IL2RB: variants seen among roughly 807,000 people sequenced by gnomAD.
IL2RB encodes interleukin-2 receptor subunit beta.
IL2RB carries 17 observed loss-of-function variants against 44.2 expected under a neutral mutation model. The observed-to-expected ratio is 0.38, with a 90% CI of 0.26 to 0.58. IL2RB has a LOEUF of 0.58. Ranked by LOEUF, IL2RB falls within the 20% of genes least tolerant of loss-of-function variation. IL2RB has a pLI of 0.63. For synonymous variants in IL2RB, 286 were observed against 297.9 expected (o/e 0.96, Z 0.41); for missense variants, 624 against 685.5 (o/e 0.91, Z 1.00).
At chr22:37,155,646 C>T (rs1215512368) in intron 1 of IL2RB, among the ~76,000 whole-genome samples, 11 of 152,236 alleles carry the variant, frequency 7.2e-5, no homozygotes, top group Admixed American at 7.2e-4. Flanking sequence ...ATCCGATTCT[C>T]TCTGAGGCAA....
At position 37,128,622 on chromosome 22, in the gene IL2RB, G is replaced by A; in HGVS notation, c.1130C>T (p.Ala377Val). 6.2e-7 allele frequency: 1 copy of A among 1,614,096 alleles called. No homozygotes were observed. The highest frequency in any genetic ancestry group is 8.5e-7 in the Non-Finnish European group (1 of 1,179,968). Reference sequence around the variant, plus strand: ...GTCGTAAGTAAAGTACACCTGGCAGGCCTCTATCTCCAAGGCATCCGGGAG... The same window carrying A: ...GTCGTAAGTAAAGTACACCTGGCAGACCTCTATCTCCAAGGCATCCGGGAG... ...FHLPDALEIE[A>V]CQVYFTYDPY... Residue 377 changes from alanine (A) to valine (V), a missense_variant, in exon 10 of 10, where the codon GCC becomes GTC. Physicochemically the swap from Ala to Val is moderately conservative, Grantham distance 64. Around this residue, in one of 3 missense-constraint regions of IL2RB, gnomAD observed 291 missense variants for 275.5 expected, o/e 1.06. Coordinates refer to ENST00000216223, the MANE Select transcript of IL2RB (RefSeq NM_000878.5). This position sits in a 1 kb window ranked among gnomAD's most constrained non-coding sequence, Gnocchi z 4.5.
chr22:37,136,492 AC>A, intron 6 of IL2RB, 99 bp from the exon 7 acceptor site: 1 of 1,272,640 alleles, frequency 7.9e-7, no homozygotes, highest in Non-Finnish European at 1.1e-6. Flanking sequence ...TGCCAGCTGC[AC>A]CCCCACTTCC....
chr22:37,144,034 A>G (rs573737189), intron 2 of IL2RB, 51 bp downstream of exon 2: 125 of 1,550,930 alleles, frequency 8.1e-5, no homozygotes, highest in Non-Finnish European at 1.1e-4. Context: ...GCAGGGCCTT[A>G]GCCATCTCTC....
chr22:37,168,813 A>G (rs1328038323), intron 1 of IL2RB, among the ~76,000 whole-genome samples: 1 of 152,168 alleles, frequency 6.6e-6, no homozygotes, highest in Non-Finnish European at 1.5e-5. Context: ...CCAGAGCCTA[A>G]TATTTCCCCA....
intron 8 of IL2RB, 111 bp downstream of exon 8, chr22:37,135,217 A>AGTGTGT (rs3830742): frequency 1.0e-5 from 7 of 675,618 alleles, no homozygotes; most frequent in African/African-American, 7.1e-5. Context: ...TGTTCATGTA[A>AGTGTGT]GTGTGTGTGT....
chr22:37,165,840 G>T (rs1176367402), intron 1 of IL2RB, among the ~76,000 whole-genome samples: 1 of 152,116 alleles, frequency 6.6e-6, no homozygotes, highest in African/African-American at 2.4e-5. Flanking sequence ...GACACTTGGA[G>T]CTGAAAACAT....
intron 3 of IL2RB, 112 bp from the exon 4 acceptor site, chr22:37,142,624 G>A: frequency 8.8e-7 from 1 of 1,141,248 alleles, no homozygotes; most frequent in East Asian, 2.4e-5. Flanking sequence ...AGCAAGGCCA[G>A]GCTGGGGCCC....
chr22:37,141,785 G>A lies in IL2RB; in HGVS notation c.282+649C>T, dbSNP rs564951459. ...TGAGCACAGGGGGATGGGAAGCCAC[G>A]GGGGTGCAGGGGACAGCTTGGCACT... On this transcript the variant is annotated intron_variant, in intron 4 of 9. Transcript: ENST00000216223. The surrounding 1 kb of genome is among the most constrained non-coding windows in gnomAD (Gnocchi z 4.4). Among the ~76,000 whole-genome samples the A allele has an allele frequency of 7.4e-4, 112 of 152,342 alleles. No homozygotes were observed. The highest frequency in any genetic ancestry group is 2.5e-3 in the Admixed American group (39 of 15,310).
At chr22:37,165,682 A>C (rs1159743678) in intron 1 of IL2RB, among the ~76,000 whole-genome samples, 1 of 144,174 alleles carries the variant, frequency 6.9e-6, no homozygotes, top group Non-Finnish European at 1.5e-5. Context: ...TTTTTTAAAA[A>C]TTTAATTTAA....
intron 1 of IL2RB, among the ~76,000 whole-genome samples, chr22:37,159,543 T>G (rs868233806): frequency 6.6e-5 from 10 of 152,050 alleles, no homozygotes; most frequent in Admixed American, 2.0e-4. Flanking sequence ...ACAACATATA[T>G]AGAGAGAAAC....
At chr22:37,148,584 T>G (rs1250879472) in intron 1 of IL2RB, among the ~76,000 whole-genome samples, 1 of 152,194 alleles carries the variant, frequency 6.6e-6, no homozygotes, top group Non-Finnish European at 1.5e-5. Flanking sequence ...CCCAGCCATC[T>G]GATTTTCAGA....
intron 9 of IL2RB, 60 bp downstream of exon 9, chr22:37,132,324 C>A: frequency 7.4e-7 from 1 of 1,344,466 alleles, no homozygotes; most frequent in African/African-American, 1.4e-5. Flanking sequence ...TACTAACCTG[C>A]CACCCCCTCA....
At chr22:37,173,448 G>A (rs867152897) in intron 1 of IL2RB, among the ~76,000 whole-genome samples, 1 of 152,206 alleles carries the variant, frequency 6.6e-6, no homozygotes, top group Admixed American at 6.5e-5. Context: ...AATGACACAT[G>A]AAGGAAGGAA....
intron 1 of IL2RB, among the ~76,000 whole-genome samples, chr22:37,160,466 T>G (rs1922819443): frequency 6.6e-6 from 1 of 152,104 alleles, no homozygotes; most frequent in Non-Finnish European, 1.5e-5. Flanking sequence ...TGAATTTACA[T>G]CAGGTGGACA....
intron 1 of IL2RB, among the ~76,000 whole-genome samples, chr22:37,163,054 T>C (rs1922936472): frequency 6.6e-6 from 1 of 152,204 alleles, no homozygotes; most frequent in Admixed American, 6.5e-5. Context: ...CAGCAGTGCC[T>C]CCAACTCACT....
At position 37,132,460 on chromosome 22, in the gene IL2RB, T is replaced by C; in HGVS notation, c.827A>G (p.Lys276Arg). ...GTCTGGGGTGTTACACTTCAGGACC[T>C]TCTTCAGCCTGGACAGAGGAGAGGA... ...NCRNTGPWLKKVLKCNTPDPS... is the reference protein window; with the variant it reads ...NCRNTGPWLKRVLKCNTPDPS... Residue 276 changes from lysine (K) to arginine (R), a missense_variant, in exon 9 of 10, where the codon AAG becomes AGG. By Grantham distance (26) the Lys-to-Arg change is conservative. Transcript: ENST00000216223. The C allele has an allele frequency of 6.2e-7, 1 of 1,613,670 alleles. No homozygotes were observed. Among genetic ancestry groups the C allele is most frequent in the East Asian group, 2.2e-5 (1 of 44,874 alleles).
chr22:37,142,644 C>A (rs1016367120), intron 3 of IL2RB, 132 bp from the exon 4 acceptor site: 4 of 830,700 alleles, frequency 4.8e-6, no homozygotes, highest in South Asian at 1.4e-5. Flanking sequence ...CCTGTGCCAA[C>A]CACTGTGAGG....
At chr22:37,174,607 G>C (rs533730725) in intron 1 of IL2RB, among the ~76,000 whole-genome samples, 1 of 152,294 alleles carries the variant, frequency 6.6e-6, no homozygotes, top group African/African-American at 2.4e-5. Flanking sequence ...CCACACCTTA[G>C]ATCACCCCAC....
upstream of IL2RB, among the ~76,000 whole-genome samples, chr22:37,154,846 T>A (rs1215233728): frequency 6.6e-6 from 1 of 152,106 alleles, no homozygotes; most frequent in Admixed American, 6.5e-5. Flanking sequence ...AGTGCTGGGA[T>A]TACAGACGTT....
Sources: gnomAD v4.1 joint callset for allele counts (sites outside exome capture counted in the v4.1 genomes callset) on GRCh38, gnomAD v4.1.1 for gene constraint, gnomAD v4.1.1 regional missense constraint, Gnocchi (gnomAD v3.1) non-coding constraint, MANE v1.5 for transcripts, NCBI Gene and HGNC (gene_info 2026-07-23, HGNC 2026-07-21) for gene names.